HTR1F: variants seen among roughly 807,000 people sequenced by gnomAD.
HTR1F encodes 5-hydroxytryptamine receptor 1F, also known as 5-hydroxytryptamine (serotonin) receptor 1F, G protein-coupled.
A neutral mutation model predicts 24.0 loss-of-function variants in HTR1F; 17 were observed. That is an observed-to-expected ratio of 0.71 (90% CI 0.48 to 1.06). The LOEUF (loss-of-function observed/expected upper bound fraction) is 1.06. Among genes scored for constraint, HTR1F ranks in the 50% least tolerant of loss-of-function variants. HTR1F has a pLI of 0.00. For synonymous variants in HTR1F, 186 were observed against 156.8 expected (o/e 1.19, Z -1.39); for missense variants, 391 against 427.8 (o/e 0.91, Z 0.76).
At chr3:87,918,499 T>C (rs140121294) in intron 2 of HTR1F, among the ~76,000 whole-genome samples, 164 of 152,224 alleles carry the variant, frequency 1.1e-3, no homozygotes, top group African/African-American at 3.8e-3. Context: ...AGAAAGCTCC[T>C]AGAACTGATA....
intron 2 of HTR1F, among the ~76,000 whole-genome samples, chr3:87,866,494 C>A (rs1157984572): frequency 6.6e-6 from 1 of 151,696 alleles, no homozygotes; most frequent in Admixed American, 6.6e-5. Context: ...ATCTGTACTA[C>A]AAGCCATCAC....
chr3:87,852,851 T>C (rs1446221966), intron 2 of HTR1F, among the ~76,000 whole-genome samples: 1 of 151,736 alleles, frequency 6.6e-6, no homozygotes, highest in Non-Finnish European at 1.5e-5. Flanking sequence ...GTGATTCTAA[T>C]TGCAATAAAC....
intron 2 of HTR1F, among the ~76,000 whole-genome samples, chr3:87,987,997 G>T (rs1370750024): frequency 6.6e-6 from 1 of 151,300 alleles, no homozygotes; most frequent in Non-Finnish European, 1.5e-5. Context: ...AGATGTGGCA[G>T]CATTGAAAAA....
At chr3:87,894,201 G>A (rs1444214788) in intron 2 of HTR1F, among the ~76,000 whole-genome samples, 2 of 151,862 alleles carry the variant, frequency 1.3e-5, no homozygotes, top group African/African-American at 4.8e-5. Flanking sequence ...CCCTGAATCC[G>A]CAAAGTCTGT....
chr3:87,805,082 G>C (rs1359049385), intron 1 of HTR1F, among the ~76,000 whole-genome samples: 4 of 151,720 alleles, frequency 2.6e-5, no homozygotes, highest in Non-Finnish European at 4.4e-5. Flanking sequence ...CCATCTACTG[G>C]GTGTTTCTGT....
intron 2 of HTR1F, among the ~76,000 whole-genome samples, chr3:87,902,081 G>A (rs1706336296): frequency 6.6e-6 from 1 of 151,922 alleles, no homozygotes; most frequent in South Asian, 2.1e-4. Context: ...GTTGAATTTA[G>A]GTGGAAATTG....
chr3:87,860,984 C>G (rs934670464), intron 2 of HTR1F, among the ~76,000 whole-genome samples: 5 of 151,996 alleles, frequency 3.3e-5, no homozygotes, highest in African/African-American at 4.8e-5. Flanking sequence ...TGGCAAAACA[C>G]CATCTCTACT....
intron 2 of HTR1F, among the ~76,000 whole-genome samples, chr3:87,947,419 A>C (rs1167540780): frequency 6.6e-6 from 1 of 152,230 alleles, no homozygotes; most frequent in Non-Finnish European, 1.5e-5. Flanking sequence ...TGAAGTTGTA[A>C]TTGTGTAAAT....
intron 2 of HTR1F, among the ~76,000 whole-genome samples, chr3:87,918,178 T>G (rs897345531): frequency 6.6e-6 from 1 of 152,050 alleles, no homozygotes; most frequent in Non-Finnish European, 1.5e-5. Flanking sequence ...CATCCCTTTA[T>G]GATTAAAACT....
intron 2 of HTR1F, among the ~76,000 whole-genome samples, chr3:87,884,734 A>T (rs1705894708): frequency 6.6e-6 from 1 of 152,180 alleles, no homozygotes; most frequent in Admixed American, 6.6e-5. Flanking sequence ...ACCAACAAAG[A>T]TCAAAAGGGA....
At chr3:87,800,883 G>A (rs1284298058) in intron 1 of HTR1F, among the ~76,000 whole-genome samples, 1 of 152,172 alleles carries the variant, frequency 6.6e-6, no homozygotes, top group Non-Finnish European at 1.5e-5. Context: ...AAACCCCAGA[G>A]AAGTTTCCTA....
chr3:87,928,964 A>G (rs747573746), intron 2 of HTR1F, among the ~76,000 whole-genome samples: 13 of 152,228 alleles, frequency 8.5e-5, no homozygotes, highest in Non-Finnish European at 1.5e-4. Context: ...TGATAAGGGC[A>G]TATCCATTTT....
chr3:87,938,490 A>C (rs73141241), intron 2 of HTR1F, among the ~76,000 whole-genome samples: 17,229 of 152,166 alleles, frequency 0.11, 1,212 homozygotes, highest in Non-Finnish European at 0.16. Flanking sequence ...AGAGAATCCT[A>C]AGCAAAAAGA....
intron 2 of HTR1F, among the ~76,000 whole-genome samples, chr3:87,903,691 T>A (rs1046892767): frequency 6.6e-6 from 1 of 151,950 alleles, no homozygotes; most frequent in Non-Finnish European, 1.5e-5. Context: ...TGTAAACTAG[T>A]TCAACCCTTG....
At chr3:87,836,274 C>G (rs1298827940) in intron 2 of HTR1F, among the ~76,000 whole-genome samples, 1 of 152,110 alleles carries the variant, frequency 6.6e-6, no homozygotes, top group Non-Finnish European at 1.5e-5. Flanking sequence ...CATAAAATTA[C>G]CATTAGCGAG....
chr3:87,942,149 T>C (rs961767719), intron 2 of HTR1F, among the ~76,000 whole-genome samples: 37 of 152,282 alleles, frequency 2.4e-4, no homozygotes, highest in African/African-American at 8.7e-4. Flanking sequence ...TTCTCCTATG[T>C]TCAGGTGTAT....
chr3:87,902,610 TA>T (rs1325463804), intron 2 of HTR1F, among the ~76,000 whole-genome samples: 1 of 151,984 alleles, frequency 6.6e-6, no homozygotes, highest in East Asian at 1.9e-4. Flanking sequence ...ATTTTATCAT[TA>T]TTATACTTTA....
intron 2 of HTR1F, among the ~76,000 whole-genome samples, chr3:87,917,144 T>TA (rs1456790417): frequency 6.6e-6 from 1 of 151,676 alleles, no homozygotes; most frequent in Non-Finnish European, 1.5e-5. Flanking sequence ...AAATTAAAAT[T>TA]AAAAAATTCT....
chr3:87,815,685 A>C (rs1704237239), intron 1 of HTR1F, among the ~76,000 whole-genome samples: 2 of 152,234 alleles, frequency 1.3e-5, no homozygotes, highest in South Asian at 4.1e-4. Flanking sequence ...AAGTTCCTGC[A>C]GTTATTTGAC....
Sources: gnomAD v4.1 joint callset for allele counts (sites outside exome capture counted in the v4.1 genomes callset) on GRCh38, gnomAD v4.1.1 for gene constraint, MANE v1.5 for transcripts, NCBI Gene and HGNC (gene_info 2026-07-23, HGNC 2026-07-21) for gene names.